The following PLCG2 variants were observed in gnomAD, a reference collection of about 807,000 sequenced individuals.
PLCG2 encodes the protein phospholipase C gamma 2, also known as 1-phosphatidylinositol 4,5-bisphosphate phosphodiesterase gamma-2.
PLCG2 carries 69 observed loss-of-function variants against 175.6 expected under a neutral mutation model. The ratio of observed to expected loss-of-function variants is 0.39; its 90% CI spans 0.32 to 0.48. The LOEUF is 0.48. PLCG2 is among the 20% of genes least tolerant of loss of function. The pLI is 0.91. For missense variants in PLCG2, 1,798 were observed against 1,650.9 expected, an observed-to-expected ratio of 1.09 and a Z score of -1.54; for synonymous variants, 827 against 624.0, an observed-to-expected ratio of 1.33 and a Z score of -4.85.
chr16:81,889,034 A>C, intron 9 of PLCG2, 138 bp from the exon 10 acceptor site: 1 of 601,966 alleles, frequency 1.7e-6, no homozygotes, highest in East Asian at 2.8e-5. Context: ...TGAGGCCTCA[A>C]CATGTGGTGG....
chr16:81,851,792 C>T lies in PLCG2; in HGVS notation c.194-2652C>T, dbSNP rs1213401290. ...CCTCCCAAAGTGCTGGGATTACAGG[C>T]GTGGGCCACCAGTGCCCGGCTTGTT... is the stretch of plus-strand genomic sequence containing the variant. On this transcript the variant is annotated intron_variant, in intron 2 of 32. Coordinates refer to ENST00000564138, the MANE Select transcript of PLCG2 (RefSeq NM_002661.5). Among the ~76,000 whole-genome samples, 8 of 151,362 alleles carry T rather than the reference C, an allele frequency of 5.3e-5. 1 individual carries two copies. In the South Asian group the frequency reaches 1.0e-3, roughly 20 times the overall value.
intron 1 of PLCG2, among the ~76,000 whole-genome samples, chr16:81,742,695 T>A (rs748253479): frequency 6.6e-6 from 1 of 152,120 alleles, no homozygotes; most frequent in Non-Finnish European, 1.5e-5. Context: ...ATAGCACATA[T>A]AATCATTTGT....
chr16:81,804,834 C>G (rs528865899), intron 2 of PLCG2, among the ~76,000 whole-genome samples: 1 of 152,310 alleles, frequency 6.6e-6, no homozygotes, highest in Admixed American at 6.5e-5. Context: ...GCTGCTGGCA[C>G]CAGGATGAGA....
At chr16:81,901,281 C>G (rs1909140595) in intron 14 of PLCG2, among the ~76,000 whole-genome samples, 1 of 152,180 alleles carries the variant, frequency 6.6e-6, no homozygotes, top group African/African-American at 2.4e-5. Flanking sequence ...CTGATGTTCC[C>G]AGCACTGCAG....
At chr16:81,810,884 A>G (rs533935348) in intron 2 of PLCG2, among the ~76,000 whole-genome samples, 2 of 152,294 alleles carry the variant, frequency 1.3e-5, no homozygotes, top group East Asian at 1.9e-4. Context: ...GTACATGACT[A>G]TATTTATAAC....
chr16:81,783,299 A>T (rs1910823936), intron 1 of PLCG2, among the ~76,000 whole-genome samples: 1 of 152,134 alleles, frequency 6.6e-6, no homozygotes, highest in Non-Finnish European at 1.5e-5. Flanking sequence ...ACTTTTTTAA[A>T]ATTTTATTAT....
chr16:81,885,341 T>G (rs565856889), intron 9 of PLCG2, among the ~76,000 whole-genome samples: 11 of 152,018 alleles, frequency 7.2e-5, no homozygotes, highest in South Asian at 4.2e-4. Context: ...ATTTTGTATC[T>G]TTAGTAGAAA....
rs145604853 is a variant in PLCG2 at position 81,878,661 on chromosome 16, C to T, written c.649-2249C>T. 6.9e-4 allele frequency among the ~76,000 whole-genome samples: 105 copies of T among 152,274 alleles called. 2 individuals carry two copies. In the East Asian group the frequency reaches 0.017, roughly 24 times the overall value. On this transcript the variant is annotated intron_variant, in intron 7 of 32. Coordinates refer to ENST00000564138, the MANE Select transcript of PLCG2 (RefSeq NM_002661.5). ...CCTCCTAGAGCACTTCATCTTGGCACGTCAGCCATCACCTCCATGTGTTGC... is the reference window on the plus strand; with the variant it reads ...CCTCCTAGAGCACTTCATCTTGGCATGTCAGCCATCACCTCCATGTGTTGC...
chr16:81,747,483 T>C (rs1291867873), intron 1 of PLCG2, among the ~76,000 whole-genome samples: 1 of 151,956 alleles, frequency 6.6e-6, no homozygotes, highest in East Asian at 1.9e-4. Context: ...TGCAGTGAGG[T>C]GAGATTGTGC....
rs116818704 is a variant in PLCG2 at position 81,883,069 on chromosome 16, C to T, written c.693-200C>T. Among the ~76,000 whole-genome samples the T allele has an allele frequency of 3.4e-3, 516 of 152,280 alleles. 1 individual carries two copies. The highest frequency in any genetic ancestry group is 0.012 in the African/African-American group (488 of 41,552). ...GGCCTGCCCCTTGAGATTCCGATGT[C>T]AGGGTCCCTCTGAATCCTTGTAGGT... is the stretch of plus-strand genomic sequence containing the variant. On this transcript the variant is annotated intron_variant, in intron 8 of 32. Transcript: ENST00000564138.
At chr16:81,886,868 CT>C (rs1369567076) in intron 9 of PLCG2, among the ~76,000 whole-genome samples, 4 of 152,152 alleles carry the variant, frequency 2.6e-5, no homozygotes, top group Admixed American at 6.5e-5. Flanking sequence ...TATTTTCATC[CT>C]TATTCTTTGC....
intron 11 of PLCG2, 70 bp downstream of exon 11, chr16:81,891,660 T>C: frequency 1.2e-6 from 1 of 866,456 alleles, no homozygotes; most frequent in African/African-American, 1.6e-5. Context: ...AGGGGTCCGA[T>C]ACGCCGCTCC....
At chr16:81,809,927 G>C (rs1339863399) in intron 2 of PLCG2, among the ~76,000 whole-genome samples, 1 of 152,058 alleles carries the variant, frequency 6.6e-6, no homozygotes. Context: ...CATCCAAGAT[G>C]CAATGCCTTT....
intron 2 of PLCG2, among the ~76,000 whole-genome samples, chr16:81,826,775 C>T (rs1905065522): frequency 6.6e-6 from 1 of 152,194 alleles, no homozygotes; most frequent in South Asian, 2.1e-4. Context: ...CAAGAACCTT[C>T]CCAAAGCCAC....
At chr16:81,773,366 T>A (rs1057447385) in intron 2 of PLCG2, among the ~76,000 whole-genome samples, 2 of 152,180 alleles carry the variant, frequency 1.3e-5, no homozygotes, top group African/African-American at 4.8e-5. Flanking sequence ...GCTGAATACG[T>A]CCTAGTGGAG....
At chr16:81,819,450 A>T (rs1398235693) in intron 2 of PLCG2, among the ~76,000 whole-genome samples, 1 of 152,184 alleles carries the variant, frequency 6.6e-6, no homozygotes, top group Non-Finnish European at 1.5e-5. Flanking sequence ...TGGGGCACCC[A>T]GGAAGCCTGA....
chr16:81,889,028 G>A (rs1908505714), intron 9 of PLCG2, 144 bp from the exon 10 acceptor site: 1 of 585,560 alleles, frequency 1.7e-6, no homozygotes, highest in Non-Finnish European at 3.1e-6. Context: ...GCAGAATGAG[G>A]CCTCAACATG....
intron 4 of PLCG2, 79 bp downstream of exon 4, chr16:81,858,435 G>C: frequency 1.1e-6 from 1 of 944,276 alleles, no homozygotes; most frequent in Non-Finnish European, 1.6e-6. Flanking sequence ...GGGCTACAGG[G>C]GGGAAAAAAA....
chr16:81,805,783 G>GTTTTTTTTTTTTTTTTTTTT (rs35014411), intron 2 of PLCG2, among the ~76,000 whole-genome samples: 2 of 82,928 alleles, frequency 2.4e-5, no homozygotes, highest in African/African-American at 5.5e-5. Context: ...TTTTTTTTTT[G>GTTTTTTTTTTTTTTTTTTTT]TTTTTTTTTT....
Sources: allele counts gnomAD v4.1 joint callset (sites outside exome capture counted in the v4.1 genomes callset), GRCh38; gene constraint gnomAD v4.1.1; transcripts MANE v1.5; gene names NCBI Gene and HGNC (gene_info 2026-07-23, HGNC 2026-07-21).